STXBP4: variants seen among roughly 807,000 people sequenced by gnomAD.
STXBP4 encodes syntaxin binding protein 4, also known as syntaxin-binding protein 4.
STXBP4 carries 55 observed loss-of-function variants against 76.1 expected under a neutral mutation model. That is an observed-to-expected ratio of 0.72 (90% CI 0.58 to 0.91). STXBP4 has a LOEUF of 0.91. Ranked by LOEUF, STXBP4 falls within the 40% of genes least tolerant of loss-of-function variation. The probability of loss-of-function intolerance (pLI) is 0.00; values close to 1 mark genes in which losing one functional copy is unlikely to be tolerated. For missense variants in STXBP4, 618 were observed against 636.9 expected (o/e 0.97, Z 0.32); for synonymous variants, 201 against 220.2 (o/e 0.91, Z 0.77).
chr17:55,095,467 A>G (rs1319085113), intron 16 of STXBP4, among the ~76,000 whole-genome samples: 2 of 152,198 alleles, frequency 1.3e-5, no homozygotes, highest in Non-Finnish European at 2.9e-5. Flanking sequence ...CAGAGTTCAC[A>G]TGAGGACAAA....
chr17:55,204,021 A>G, the STXBP4 span, among the ~76,000 whole-genome samples: 2 of 152,012 alleles, frequency 1.3e-5, no homozygotes, highest in African/African-American at 4.8e-5. Flanking sequence ...CTCATCCAAT[A>G]TCTCTTTAGA....
chr17:54,992,860 G>A (rs557179576), intron 4 of STXBP4, among the ~76,000 whole-genome samples: 46 of 151,832 alleles, frequency 3.0e-4, no homozygotes, highest in Admixed American at 4.6e-4. Flanking sequence ...TTACAGGTGC[G>A]TGCCAACACA....
the STXBP4 span, among the ~76,000 whole-genome samples, chr17:55,193,815 GA>G: frequency 0.017 from 1,784 of 105,864 alleles, 29 homozygotes; most frequent in South Asian, 0.059. Context: ...CCTGATTTCA[GA>G]AAAAAAAAAA....
intron 3 of STXBP4, 45 bp downstream of exon 3, chr17:54,986,311 G>C: frequency 7.1e-7 from 1 of 1,407,768 alleles, no homozygotes; most frequent in Non-Finnish European, 9.9e-7. Flanking sequence ...TTTGAAATAT[G>C]TAAACTATTA....
At chr17:54,994,911 A>G (rs1186414503) in intron 4 of STXBP4, among the ~76,000 whole-genome samples, 5 of 151,806 alleles carry the variant, frequency 3.3e-5, no homozygotes, top group Non-Finnish European at 5.9e-5. Context: ...ACTGCTGCCT[A>G]AGGGTTGTGT....
chr17:55,174,641 A>G (rs2080422279), downstream of STXBP4, among the ~76,000 whole-genome samples: 1 of 152,160 alleles, frequency 6.6e-6, no homozygotes. Flanking sequence ...CAACTTTTCC[A>G]TATTTCACCT....
chr17:54,980,225 A>G (rs1045774523), intron 1 of STXBP4, among the ~76,000 whole-genome samples: 2 of 152,196 alleles, frequency 1.3e-5, no homozygotes, highest in African/African-American at 4.8e-5. Flanking sequence ...ATTATTTTCT[A>G]GAAGATGAAA....
intron 16 of STXBP4, among the ~76,000 whole-genome samples, chr17:55,097,629 C>G (rs1021068128): frequency 2.0e-5 from 3 of 150,618 alleles, no homozygotes; most frequent in South Asian, 2.1e-4. Context: ...TGCCACTGCA[C>G]TCCAGCCTGG....
chr17:55,024,236 C>T (rs1381030976), intron 8 of STXBP4, among the ~76,000 whole-genome samples: 1 of 152,210 alleles, frequency 6.6e-6, no homozygotes, highest in African/African-American at 2.4e-5. Context: ...ACTGAACCTG[C>T]TCACATCGTT....
chr17:55,088,631 A>G (rs1014123601), intron 16 of STXBP4, among the ~76,000 whole-genome samples: 3 of 152,182 alleles, frequency 2.0e-5, no homozygotes, highest in Admixed American at 1.3e-4. Flanking sequence ...TCCTGACCTC[A>G]GGTAATCCAC....
intron 12 of STXBP4, among the ~76,000 whole-genome samples, chr17:55,062,323 A>G (rs1367214251): frequency 6.6e-6 from 1 of 152,050 alleles, no homozygotes; most frequent in East Asian, 1.9e-4. Flanking sequence ...CCCACTTTTG[A>G]GTAAGAACAT....
the STXBP4 span, among the ~76,000 whole-genome samples, chr17:55,194,666 C>G: frequency 1.3e-5 from 2 of 152,182 alleles, no homozygotes; most frequent in African/African-American, 4.8e-5. Flanking sequence ...AAGGCACAAG[C>G]ATCAATCATA....
the STXBP4 span, among the ~76,000 whole-genome samples, chr17:55,196,067 G>A: frequency 6.6e-6 from 1 of 152,168 alleles, no homozygotes. Flanking sequence ...CTAAGTGGAT[G>A]AAGGAATGGT....
the STXBP4 span, among the ~76,000 whole-genome samples, chr17:55,182,650 A>G: frequency 6.6e-6 from 1 of 152,140 alleles, no homozygotes; most frequent in African/African-American, 2.4e-5. Context: ...AGAAAGCCAC[A>G]TCTAGACACA....
chr17:55,101,396 T>G (rs2079563633), intron 16 of STXBP4, among the ~76,000 whole-genome samples: 1 of 152,162 alleles, frequency 6.6e-6, no homozygotes, highest in Non-Finnish European at 1.5e-5. Flanking sequence ...ACCATCTTAA[T>G]TAAGACACCA....
the STXBP4 span, among the ~76,000 whole-genome samples, chr17:55,204,450 A>G: frequency 1.1e-4 from 16 of 152,108 alleles, no homozygotes; most frequent in Middle Eastern, 3.4e-3. Flanking sequence ...ATTAATTCTT[A>G]CCTTTTTTGC....
At chr17:55,091,614 C>T (rs1457050279) in intron 16 of STXBP4, among the ~76,000 whole-genome samples, 5 of 152,118 alleles carry the variant, frequency 3.3e-5, no homozygotes, top group Non-Finnish European at 7.4e-5. Context: ...CAAAACAAAA[C>T]ACCCTCCCAG....
chr17:55,022,585 A>G (rs1303473428), intron 8 of STXBP4, among the ~76,000 whole-genome samples: 1 of 152,206 alleles, frequency 6.6e-6, no homozygotes, highest in Non-Finnish European at 1.5e-5. Context: ...ACAAGTGAAT[A>G]ACAAGAGTAC....
chr17:55,056,954 T>G (rs1485272736), intron 12 of STXBP4, among the ~76,000 whole-genome samples: 1 of 152,230 alleles, frequency 6.6e-6, no homozygotes, highest in Non-Finnish European at 1.5e-5. Context: ...CATAGCCAAT[T>G]TATGTAACAC....
Sources: allele counts gnomAD v4.1 joint callset (sites outside exome capture counted in the v4.1 genomes callset), GRCh38; gene constraint gnomAD v4.1.1; transcripts MANE v1.5; gene names NCBI Gene and HGNC (gene_info 2026-07-23, HGNC 2026-07-21).